KCNQ1: variants seen among roughly 807,000 people sequenced by gnomAD.
KCNQ1 encodes the protein potassium voltage-gated channel subfamily Q member 1, also known as potassium voltage-gated channel subfamily KQT member 1.
Under a neutral mutation model 72.4 loss-of-function variants are expected in KCNQ1, and 49 were observed. The observed-to-expected ratio is 0.68, with a 90% CI of 0.54 to 0.86. KCNQ1 has a LOEUF of 0.86. Ranked by LOEUF, KCNQ1 falls within the 40% of genes least tolerant of loss-of-function variation. The pLI, the probability that KCNQ1 is intolerant of heterozygous loss-of-function variation, is 0.00. For missense variants in KCNQ1, 790 were observed against 945.1 expected (o/e 0.84, Z 2.15); for synonymous variants, 450 against 412.6 (o/e 1.09, Z -1.10).
chr11:2,713,896 C>T lies in KCNQ1; in HGVS notation c.1514+51815C>T, dbSNP rs992003808. On this transcript the variant is annotated intron_variant, in intron 11 of 15. Coordinates refer to ENST00000155840, the MANE Select transcript of KCNQ1 (RefSeq NM_000218.3). This position sits in a 1 kb window ranked among gnomAD's most constrained non-coding sequence, Gnocchi z 5.6. The stretch of plus-strand genomic sequence containing the variant: ...CGCTCGGAGCCTGGCCCTGCAGACA[C>T]GATGGCCCAGCACGCCGCTCACTGC... Among the ~76,000 whole-genome samples, 178 of 152,248 alleles carry T rather than the reference C, an allele frequency of 1.2e-3. No homozygotes were observed. Among genetic ancestry groups the T allele is most frequent in the African/African-American group, 3.6e-3 (151 of 41,464 alleles).
intron 2 of KCNQ1, among the ~76,000 whole-genome samples, chr11:2,560,647 T>C (rs1848151220): frequency 6.6e-6 from 1 of 151,956 alleles, no homozygotes; most frequent in Non-Finnish European, 1.5e-5. Context: ...AGCCTCCCCT[T>C]CCACACCCCA....
chr11:2,829,462 C>A (rs1847899700), intron 15 of KCNQ1, among the ~76,000 whole-genome samples: 1 of 152,092 alleles, frequency 6.6e-6, no homozygotes, highest in African/African-American at 2.4e-5. Context: ...CAAGGGAAAA[C>A]AAGAAGATGT....
chr11:2,799,795 A>G (rs899889335), intron 15 of KCNQ1, among the ~76,000 whole-genome samples: 5 of 152,154 alleles, frequency 3.3e-5, no homozygotes, highest in Admixed American at 2.6e-4. Context: ...GGAGCTTCTC[A>G]GTAGAGTTGT....
chr11:2,665,289 C>T (rs1850046149), intron 11 of KCNQ1: 1 of 398,322 alleles, frequency 2.5e-6, no homozygotes, highest in African/African-American at 2.1e-5. Context: ...CCACCCAGAA[C>T]CATATGACAG....
Position 2,642,693 on chromosome 11 carries a change from CT to C in KCNQ1, c.1394-19267del, listed in dbSNP as rs1245769993. The C allele has an allele frequency of 1.0e-5, 4 of 397,658 alleles. No homozygotes were observed. The highest frequency in any genetic ancestry group is 8.2e-5 in the African/African-American group (4 of 48,574). The allele number at this position is 397,658 out of a possible 1,614,324, so 24.6% of individuals were successfully genotyped here. Reference sequence around the variant, plus strand: ...TCTGATCTTCGTTATTTCTTTCCTTCTACTAATTTTATGTTTAGTATGGTTT... The same window carrying C: ...TCTGATCTTCGTTATTTCTTTCCTTCACTAATTTTATGTTTAGTATGGTTT... On this transcript the variant is annotated intron_variant, in intron 10 of 15. Coordinates refer to ENST00000155840, the MANE Select transcript of KCNQ1 (RefSeq NM_000218.3). The surrounding 1 kb of genome is among the most constrained non-coding windows in gnomAD (Gnocchi z 4.3).
chr11:2,515,226 G>T lies in KCNQ1; in HGVS notation c.387-12702G>T, dbSNP rs117321121. Among the ~76,000 whole-genome samples the T allele has an allele frequency of 0.016, 2,496 of 152,208 alleles. 30 individuals are homozygous for T. The highest frequency in any genetic ancestry group is 0.023 in the Non-Finnish European group (1,592 of 68,016). On this transcript the variant is annotated intron_variant, in intron 1 of 15. Transcript: ENST00000155840. This position sits in a 1 kb window ranked among gnomAD's most constrained non-coding sequence, Gnocchi z 4.7. ...CAGAGTGACCTTTCTCCGTCTTTCT[G>T]TCCAAGCATCCCATCTGTCTAGCTT...
chr11:2,840,826 C>A (rs958147043), intron 15 of KCNQ1, among the ~76,000 whole-genome samples: 6 of 152,228 alleles, frequency 3.9e-5, no homozygotes, highest in African/African-American at 1.4e-4. Flanking sequence ...AGCACCCACC[C>A]TGGGAGGGAG....
intron 15 of KCNQ1, among the ~76,000 whole-genome samples, chr11:2,814,574 T>G (rs1847575896): frequency 6.8e-6 from 1 of 147,936 alleles, no homozygotes; most frequent in East Asian, 2.0e-4. Flanking sequence ...GGTGGATGGG[T>G]AGATTGAGAA....
chr11:2,692,465 G>C (rs1220479195), intron 11 of KCNQ1: 1 of 398,600 alleles, frequency 2.5e-6, no homozygotes, highest in African/African-American at 2.1e-5. Context: ...TAATCCTGCA[G>C]CTGCCTTTCT....
intron 7 of KCNQ1, among the ~76,000 whole-genome samples, chr11:2,584,320 T>C (rs994459798): frequency 6.6e-6 from 1 of 152,178 alleles, no homozygotes; most frequent in Non-Finnish European, 1.5e-5. Context: ...AGTATGTGCT[T>C]GTGTTAGTGT....
chr11:2,834,580 G>C (rs551401619), intron 15 of KCNQ1, among the ~76,000 whole-genome samples: 1 of 152,326 alleles, frequency 6.6e-6, no homozygotes, highest in South Asian at 2.1e-4. Flanking sequence ...GAGGTGCTGA[G>C]TTCCCCATCT....
rs1474211162 is a variant in KCNQ1 at position 2,536,175 on chromosome 11, A to G, written c.477+8157A>G. 6.6e-6 allele frequency among the ~76,000 whole-genome samples: 1 copy of G among 152,176 alleles called. No homozygotes were observed. Among genetic ancestry groups the G allele is most frequent in the East Asian group, 1.9e-4 (1 of 5,190 alleles). On this transcript the variant is annotated intron_variant, in intron 2 of 15. Coordinates refer to ENST00000155840, the MANE Select transcript of KCNQ1 (RefSeq NM_000218.3). The surrounding 1 kb of genome is among the most constrained non-coding windows in gnomAD (Gnocchi z 7.4). ...CTGCCTGTGACAGGAGCTCAGGCTC[A>G]GGGCAGCAGGGGCGCTCAGCTGGGC... is the stretch of plus-strand genomic sequence containing the variant.
At chr11:2,825,704 C>T (rs555722017) in intron 15 of KCNQ1, among the ~76,000 whole-genome samples, 4 of 152,374 alleles carry the variant, frequency 2.6e-5, no homozygotes, top group African/African-American at 4.8e-5. Flanking sequence ...TTATCCTTCG[C>T]GGAGCTGCGC....
chr11:2,722,347 C>T (rs1007165908), intron 11 of KCNQ1, among the ~76,000 whole-genome samples: 1 of 152,148 alleles, frequency 6.6e-6, no homozygotes, highest in Admixed American at 6.5e-5. Context: ...GACATTTGTA[C>T]AGAACGAGGC....
chr11:2,448,490 G>A (rs900079782), intron 1 of KCNQ1, among the ~76,000 whole-genome samples: 1 of 152,234 alleles, frequency 6.6e-6, no homozygotes, highest in Non-Finnish European at 1.5e-5. Context: ...CTCTCAGGGT[G>A]CAGCACCCAA....
At chr11:2,699,617 G>GAACCGCGCCGAAGAACCCCCGGGGAC (rs781369024) in intron 11 of KCNQ1, 95,118 of 352,316 alleles carry the variant, frequency 0.27, 13,189 homozygotes, top group Middle Eastern at 0.36. Flanking sequence ...CCCCCGGAGA[G>GAACCGCGCCGAAGAACCCCCGGGGAC]AACCGCGCCG....
rs7105116 is a variant in KCNQ1 at position 2,543,341 on chromosome 11, G to A, written c.477+15323G>A. ...CAGGCTGGAGTGCAGTGGCGTAAAC[G>A]TAGCTCACTGCAACCTCGAATTCCT... On this transcript the variant is annotated intron_variant, in intron 2 of 15. Transcript: ENST00000155840. This position sits in a 1 kb window ranked among gnomAD's most constrained non-coding sequence, Gnocchi z 5.6. Among the ~76,000 whole-genome samples, 583 of 152,036 alleles carry A rather than the reference G, an allele frequency of 3.8e-3. 4 individuals carry two copies. The highest frequency in any genetic ancestry group is 0.013 in the African/African-American group (546 of 41,458).
In KCNQ1 at chr11:2,734,732, C is replaced by T. The variant is rs1027360411; in HGVS notation, c.1515-34112C>T. The stretch of plus-strand genomic sequence containing the variant: ...AGGTGAGAGGTAATCCTGGAAGCTG[C>T]TATGTAGACAGAAGCGAGGGCAAGA... On this transcript the variant is annotated intron_variant, in intron 11 of 15. Transcript: ENST00000155840. This position sits in a 1 kb window ranked among gnomAD's most constrained non-coding sequence, Gnocchi z 7.0. 3.3e-5 allele frequency among the ~76,000 whole-genome samples: 5 copies of T among 151,956 alleles called. No individual in the cohort carries two copies. The East Asian group carries it at 9.7e-4, about 29-fold the overall frequency.
intron 10 of KCNQ1, chr11:2,630,537 T>C: frequency 2.5e-6 from 1 of 398,332 alleles, no homozygotes; most frequent in Non-Finnish European, 4.4e-6. Context: ...ATATTGCATA[T>C]CCATTGAGAA....
Sources: gnomAD v4.1 joint callset for allele counts (sites outside exome capture counted in the v4.1 genomes callset) on GRCh38, gnomAD v4.1.1 for gene constraint, Gnocchi (gnomAD v3.1) non-coding constraint, MANE v1.5 for transcripts, NCBI Gene and HGNC (gene_info 2026-07-23, HGNC 2026-07-21) for gene names.